SLC26A7: variants seen among roughly 807,000 people sequenced by gnomAD.
SLC26A7 encodes the protein anion exchange transporter.
SLC26A7 carries 59 observed loss-of-function variants against 82.5 expected under a neutral mutation model. That is an observed-to-expected ratio of 0.72 (90% CI 0.58 to 0.89). The LOEUF (loss-of-function observed/expected upper bound fraction) is 0.89. Among genes scored for constraint, SLC26A7 ranks in the 40% least tolerant of loss-of-function variants. The pLI is 0.00. For missense variants in SLC26A7, 820 were observed against 793.0 expected (o/e 1.03, Z -0.41); for synonymous variants, 271 against 274.3 (o/e 0.99, Z 0.12).
At chr8:91,308,956 A>T (rs1255229152) in intron 4 of SLC26A7, among the ~76,000 whole-genome samples, 2 of 152,068 alleles carry the variant, frequency 1.3e-5, no homozygotes, top group African/African-American at 4.8e-5. Context: ...TCAGTCCTAG[A>T]ATCAGCCATT....
At chr8:91,258,103 CATGGGGATT>C (rs1197377932) in intron 2 of SLC26A7, among the ~76,000 whole-genome samples, 1 of 152,046 alleles carries the variant, frequency 6.6e-6, no homozygotes, top group Non-Finnish European at 1.5e-5. Context: ...CCCCACTCCA[CATGGGGATT>C]ATGGGGATTA....
At chr8:91,228,813 CA>C (rs1439502240) in intron 2 of SLC26A7, among the ~76,000 whole-genome samples, 1 of 151,950 alleles carries the variant, frequency 6.6e-6, no homozygotes, top group Non-Finnish European at 1.5e-5. Context: ...AAATAGAGGA[CA>C]AAAAAGTGCG....
At chr8:91,220,466 G>C (rs967723768) in intron 2 of SLC26A7, among the ~76,000 whole-genome samples, 1 of 150,396 alleles carries the variant, frequency 6.6e-6, no homozygotes, top group Non-Finnish European at 1.5e-5. Context: ...GTGGTTTGCC[G>C]CCCCTATTGA....
At chr8:91,368,323 A>C (rs1814251447) in intron 14 of SLC26A7, among the ~76,000 whole-genome samples, 1 of 152,228 alleles carries the variant, frequency 6.6e-6, no homozygotes, top group African/African-American at 2.4e-5. Context: ...CCTACACTTA[A>C]GAAGCGTGGA....
At chr8:91,346,502 G>A (rs1033361584) in intron 9 of SLC26A7, among the ~76,000 whole-genome samples, 8 of 152,084 alleles carry the variant, frequency 5.3e-5, no homozygotes, top group Non-Finnish European at 8.8e-5. Context: ...ATAAATTGAT[G>A]TAGATGATAA....
At chr8:91,331,694 A>C (rs1813086236) in intron 5 of SLC26A7, among the ~76,000 whole-genome samples, 1 of 152,154 alleles carries the variant, frequency 6.6e-6, no homozygotes, top group Non-Finnish European at 1.5e-5. Flanking sequence ...CAAGCTAATT[A>C]ACATATCTAT....
chr8:91,255,664 A>G (rs942512701), intron 2 of SLC26A7, among the ~76,000 whole-genome samples: 1 of 151,994 alleles, frequency 6.6e-6, no homozygotes, highest in Non-Finnish European at 1.5e-5. Context: ...CCCTCATCCC[A>G]TGACCCAATC....
At position 91,332,622 on chromosome 8, in the gene SLC26A7, G is replaced by A. The variant is rs1253682724; in HGVS notation, c.643-1673G>A. Among the ~76,000 whole-genome samples the A allele has an allele frequency of 2.7e-5, 4 of 149,810 alleles. No individual in the cohort carries two copies. The Admixed American group carries it at 2.7e-4, about 10-fold the overall frequency. On this transcript the variant is annotated intron_variant, in intron 5 of 18. Transcript: ENST00000276609. The stretch of plus-strand genomic sequence containing the variant: ...AGCTCACTGTAACCTAGAACTCCTG[G>A]GCTTAAGGGATTCCCCACCGCCAGC...
intron 14 of SLC26A7, among the ~76,000 whole-genome samples, chr8:91,367,742 A>C (rs1441742429): frequency 1.3e-5 from 2 of 152,214 alleles, no homozygotes; most frequent in Non-Finnish European, 2.9e-5. Flanking sequence ...TAGCATTATT[A>C]GTTTGGTTGA....
At chr8:91,221,265 A>G (rs1307341398) in intron 2 of SLC26A7, among the ~76,000 whole-genome samples, 2 of 152,182 alleles carry the variant, frequency 1.3e-5, no homozygotes, top group African/African-American at 4.8e-5. Context: ...AATTCTGGAT[A>G]TTAGACCTTT....
At chr8:91,342,094 C>CTT (rs373521103) in intron 8 of SLC26A7, among the ~76,000 whole-genome samples, 5 of 148,458 alleles carry the variant, frequency 3.4e-5, no homozygotes, top group Non-Finnish European at 7.5e-5. Context: ...TGCCTGGCTA[C>CTT]TTTTTTTTTT....
intron 5 of SLC26A7, 55 bp downstream of exon 5, chr8:91,318,435 G>A: frequency 2.1e-6 from 3 of 1,430,118 alleles, no homozygotes; most frequent in Middle Eastern, 2.1e-4. Context: ...GTTTCACAAA[G>A]TAGAATTTGA....
intron 2 of SLC26A7, among the ~76,000 whole-genome samples, chr8:91,268,368 C>T (rs959982277): frequency 3.3e-5 from 5 of 151,776 alleles, no homozygotes; most frequent in Non-Finnish European, 5.9e-5. Flanking sequence ...TATATTGACC[C>T]GTTTATCATT....
At chr8:91,376,841 C>T (rs571504434) in intron 15 of SLC26A7, among the ~76,000 whole-genome samples, 33 of 152,232 alleles carry the variant, frequency 2.2e-4, no homozygotes, top group African/African-American at 6.7e-4. Context: ...GCACCAGATT[C>T]TCAAGCTGAG....
chr8:91,286,188 C>T (rs1811705124), intron 2 of SLC26A7, among the ~76,000 whole-genome samples: 1 of 152,078 alleles, frequency 6.6e-6, no homozygotes, highest in Admixed American at 6.6e-5. Flanking sequence ...AAGCCAATCT[C>T]AGCACAGCGT....
Position 91,369,718 on chromosome 8 carries a change from G to A in SLC26A7, c.1627-67G>A, listed in dbSNP as rs943790689. On this transcript the variant is annotated intron_variant, in intron 14 of 18. Coordinates refer to ENST00000276609, the MANE Select transcript of SLC26A7 (RefSeq NM_052832.4). ...TATTCTTTATAAGTAAAAGAATTAT[G>A]TGATTTTTTTCAGACAGAAGTAAAA... 1.0e-5 allele frequency: 12 copies of A among 1,173,252 alleles called. No homozygotes were observed. In the African/African-American group the frequency reaches 1.3e-4, roughly 12 times the overall value. 72.7% of individuals were successfully genotyped at this position (1,173,252 alleles called of 1,614,324 possible). A position where few individuals can be genotyped will look rare whatever the true frequency, so the allele number is the denominator to read the frequency against.
At chr8:91,372,396 A>T (rs13274601) in intron 15 of SLC26A7, among the ~76,000 whole-genome samples, 1 of 151,858 alleles carries the variant, frequency 6.6e-6, no homozygotes, top group African/African-American at 2.4e-5. Context: ...ATCCATCTTG[A>T]GTTAATTTTT....
chr8:91,216,909 A>G (rs1217974378), intron 1 of SLC26A7, among the ~76,000 whole-genome samples: 1 of 152,038 alleles, frequency 6.6e-6, no homozygotes, highest in African/African-American at 2.4e-5. Context: ...ACATTCTTGA[A>G]TTTATGCTCT....
intron 9 of SLC26A7, among the ~76,000 whole-genome samples, chr8:91,348,718 TTC>T (rs199599126): frequency 1.6e-5 from 2 of 124,236 alleles, no homozygotes; most frequent in African/African-American, 3.3e-5. Flanking sequence ...TGTTTTTTTT[TTC>T]CTGAGATTAA....
Sources: gnomAD v4.1 joint callset for allele counts (sites outside exome capture counted in the v4.1 genomes callset) on GRCh38, gnomAD v4.1.1 for gene constraint, MANE v1.5 for transcripts, NCBI Gene and HGNC (gene_info 2026-07-23, HGNC 2026-07-21) for gene names.